The following THSD4 variants were observed in gnomAD, a reference collection of about 807,000 sequenced individuals.
The protein encoded by THSD4 is thrombospondin type 1 domain containing 4.
A neutral mutation model predicts 119.0 loss-of-function variants in THSD4; 69 were observed. The ratio of observed to expected loss-of-function variants is 0.58; its 90% CI spans 0.48 to 0.71. The LOEUF is 0.71. Ranked by LOEUF, THSD4 falls within the 30% of genes least tolerant of loss-of-function variation. The pLI is 0.00. For missense variants in THSD4, 1,393 were observed against 1,391.1 expected (o/e 1.00, Z -0.02); for synonymous variants, 524 against 540.4 (o/e 0.97, Z 0.42).
At chr15:71,120,082 A>C (rs1456600642) in intron 1 of THSD4, among the ~76,000 whole-genome samples, 2 of 152,160 alleles carry the variant, frequency 1.3e-5, no homozygotes, top group African/African-American at 4.8e-5. Context: ...TGTATATGTA[A>C]TCTCAGGCCC....
chr15:71,453,987 T>G (rs2047302317), intron 7 of THSD4, among the ~76,000 whole-genome samples: 1 of 152,178 alleles, frequency 6.6e-6, no homozygotes. Context: ...CTGGGCACAG[T>G]GTCTCACACC....
chr15:71,594,867 C>A (rs117450846), intron 7 of THSD4, among the ~76,000 whole-genome samples: 1 of 151,952 alleles, frequency 6.6e-6, no homozygotes, highest in African/African-American at 2.4e-5. Context: ...AGCTCGGGAG[C>A]GGAAATAAGT....
At chr15:71,654,463 A>G (rs1442217323) in intron 7 of THSD4, among the ~76,000 whole-genome samples, 1 of 152,198 alleles carries the variant, frequency 6.6e-6, no homozygotes, top group East Asian at 1.9e-4. Flanking sequence ...CAATACTGTG[A>G]TGAGCCCTTC....
At chr15:71,749,399 G>C (rs1331408755) in intron 14 of THSD4, among the ~76,000 whole-genome samples, 1 of 152,266 alleles carries the variant, frequency 6.6e-6, no homozygotes, top group East Asian at 1.9e-4. Context: ...TGGCCAGTCA[G>C]AGGGTTTGCC....
intron 1 of THSD4, among the ~76,000 whole-genome samples, chr15:71,141,168 C>A (rs1234273460): frequency 6.6e-6 from 1 of 152,218 alleles, no homozygotes; most frequent in African/African-American, 2.4e-5. Flanking sequence ...ACAAGTGTGC[C>A]TAGCACCAGC....
At chr15:71,491,300 A>C (rs2047915004) in intron 7 of THSD4, among the ~76,000 whole-genome samples, 2 of 151,924 alleles carry the variant, frequency 1.3e-5, no homozygotes, top group Admixed American at 1.3e-4. Context: ...TCTCATGTTG[A>C]AATGTTTTTC....
chr15:71,120,916 G>A (rs1246226845), intron 1 of THSD4, among the ~76,000 whole-genome samples: 1 of 152,242 alleles, frequency 6.6e-6, no homozygotes, highest in African/African-American at 2.4e-5. Context: ...TGTGACTACA[G>A]GGGTGGGAGG....
At chr15:71,292,051 T>C (rs951234757) in intron 6 of THSD4, among the ~76,000 whole-genome samples, 4 of 152,240 alleles carry the variant, frequency 2.6e-5, no homozygotes, top group African/African-American at 7.2e-5. Flanking sequence ...ATGTGTTGAT[T>C]GCACCCTAGA....
At chr15:71,379,818 G>T (rs902849784) in intron 6 of THSD4, among the ~76,000 whole-genome samples, 3 of 151,688 alleles carry the variant, frequency 2.0e-5, no homozygotes, top group African/African-American at 7.3e-5. Flanking sequence ...TGTTGTTGTT[G>T]TTTAAAAAAA....
At chr15:71,586,232 T>C (rs2049667732) in intron 7 of THSD4, among the ~76,000 whole-genome samples, 1 of 152,188 alleles carries the variant, frequency 6.6e-6, no homozygotes, top group Non-Finnish European at 1.5e-5. Flanking sequence ...TCTTGGCTGA[T>C]GGGACTATCT....
intron 7 of THSD4, among the ~76,000 whole-genome samples, chr15:71,413,726 A>T (rs1423123454): frequency 6.6e-6 from 1 of 152,214 alleles, no homozygotes; most frequent in Non-Finnish European, 1.5e-5. Context: ...CAAACCCTGA[A>T]AGAATTAGGA....
intron 7 of THSD4, among the ~76,000 whole-genome samples, chr15:71,498,078 T>G (rs148411551): frequency 7.4e-4 from 112 of 152,366 alleles, no homozygotes; most frequent in Admixed American, 9.8e-4. Context: ...GCGTTGGTGA[T>G]AGAAATCGAA....
chr15:71,637,972 C>T (rs2050781392), intron 7 of THSD4, among the ~76,000 whole-genome samples: 3 of 152,268 alleles, frequency 2.0e-5, no homozygotes, highest in South Asian at 2.1e-4. Context: ...GGTGATCCAC[C>T]TGCCTCAGCC....
chr15:71,265,782 C>T (rs1157772138), intron 6 of THSD4, among the ~76,000 whole-genome samples: 1 of 152,174 alleles, frequency 6.6e-6, no homozygotes, highest in Admixed American at 6.5e-5. Flanking sequence ...GGAGGGGCAT[C>T]TGCCATTACT....
chr15:71,603,505 G>A (rs1055281031), intron 7 of THSD4, among the ~76,000 whole-genome samples: 17 of 152,318 alleles, frequency 1.1e-4, no homozygotes, highest in Admixed American at 2.6e-4. Flanking sequence ...CATGAGATGC[G>A]TAGTTAAGTT....
chr15:71,708,265 C>T (rs576437109), intron 8 of THSD4, among the ~76,000 whole-genome samples: 11 of 152,264 alleles, frequency 7.2e-5, no homozygotes, highest in South Asian at 2.1e-4. Context: ...GTATTTTACA[C>T]GATGATAATA....
intron 6 of THSD4, among the ~76,000 whole-genome samples, chr15:71,303,561 A>G (rs2044981344): frequency 6.6e-6 from 1 of 152,208 alleles, no homozygotes; most frequent in South Asian, 2.1e-4. Context: ...TGTGGGCCTG[A>G]CAGAAGTTGA....
intron 8 of THSD4, among the ~76,000 whole-genome samples, chr15:71,681,199 G>A (rs180950577): frequency 6.6e-6 from 1 of 152,112 alleles, no homozygotes; most frequent in Admixed American, 6.5e-5. Flanking sequence ...ACAGGCATGA[G>A]CCACTGCTCC....
chr15:71,237,863 T>C (rs573047042), intron 4 of THSD4, among the ~76,000 whole-genome samples: 3 of 152,266 alleles, frequency 2.0e-5, no homozygotes, highest in African/African-American at 7.2e-5. Context: ...CTGTGGAAGA[T>C]CACACATAAC....
Sources: allele counts gnomAD v4.1 joint callset (sites outside exome capture counted in the v4.1 genomes callset), GRCh38; gene constraint gnomAD v4.1.1; transcripts MANE v1.5; gene names NCBI Gene and HGNC (gene_info 2026-07-23, HGNC 2026-07-21).